MRPS28: variants seen among roughly 807,000 people sequenced by gnomAD.
MRPS28 encodes small ribosomal subunit protein bS1m.
MRPS28 carries 7 observed loss-of-function variants against 10.8 expected under a neutral mutation model. That is an observed-to-expected ratio of 0.65 (90% CI 0.37 to 1.22). The LOEUF is 1.22. MRPS28 is among the 50% of genes most tolerant of loss of function. The probability of loss-of-function intolerance (pLI) is 0.02; values close to 1 mark genes in which losing one functional copy is unlikely to be tolerated. For missense variants in MRPS28, 265 were observed against 232.9 expected (o/e 1.14, Z -0.90); for synonymous variants, 121 against 93.3 (o/e 1.30, Z -1.71).
intron 1 of MRPS28, among the ~76,000 whole-genome samples, chr8:80,025,660 A>G (rs1809477526): frequency 6.6e-6 from 1 of 152,232 alleles, no homozygotes; most frequent in Non-Finnish European, 1.5e-5. Flanking sequence ...AGCAGCAACT[A>G]AAACATACTA....
At chr8:79,925,563 T>C (rs1027558381) in intron 2 of MRPS28, among the ~76,000 whole-genome samples, 1 of 152,168 alleles carries the variant, frequency 6.6e-6, no homozygotes, top group Non-Finnish European at 1.5e-5. Flanking sequence ...AATGTGAAAA[T>C]GGAGGATTTA....
intron 2 of MRPS28, among the ~76,000 whole-genome samples, chr8:80,002,489 T>A (rs1330483824): frequency 6.6e-6 from 1 of 152,206 alleles, no homozygotes; most frequent in Non-Finnish European, 1.5e-5. Flanking sequence ...ACTCTTGATA[T>A]TCCACTCCTA....
chr8:79,934,579 A>C (rs1046128778), intron 2 of MRPS28, among the ~76,000 whole-genome samples: 53 of 152,248 alleles, frequency 3.5e-4, no homozygotes, highest in Admixed American at 3.4e-3. Flanking sequence ...TACTTCAAGT[A>C]AACTATATGG....
At chr8:80,025,520 TAA>T (rs1423510743) in intron 1 of MRPS28, among the ~76,000 whole-genome samples, 2 of 152,094 alleles carry the variant, frequency 1.3e-5, no homozygotes, top group African/African-American at 4.8e-5. Flanking sequence ...AGAAACAACC[TAA>T]AAGTTCAATA....
intron 2 of MRPS28, among the ~76,000 whole-genome samples, chr8:79,946,201 A>C (rs1806913485): frequency 6.6e-6 from 1 of 152,126 alleles, no homozygotes; most frequent in South Asian, 2.1e-4. Flanking sequence ...CACTGCCCAA[A>C]GCTAAATAAT....
intron 2 of MRPS28, among the ~76,000 whole-genome samples, chr8:79,988,284 A>AG (rs1032078395): frequency 2.7e-5 from 2 of 73,378 alleles, no homozygotes; most frequent in South Asian, 5.6e-4. Flanking sequence ...GGGTGGGGGG[A>AG]GGGGGGAGGG....
chr8:79,942,303 C>T (rs1031325892), intron 2 of MRPS28, among the ~76,000 whole-genome samples: 2 of 152,168 alleles, frequency 1.3e-5, no homozygotes, highest in African/African-American at 4.8e-5. Flanking sequence ...CAGCACAGTA[C>T]TTTGGGGTGA....
intron 2 of MRPS28, among the ~76,000 whole-genome samples, chr8:79,961,185 A>C (rs186141116): frequency 3.3e-5 from 5 of 152,248 alleles, no homozygotes; most frequent in Non-Finnish European, 1.5e-5. Context: ...ATAATCTGAT[A>C]TCAGAGATCT....
intron 2 of MRPS28, among the ~76,000 whole-genome samples, chr8:79,967,429 G>C (rs1807530459): frequency 6.6e-6 from 1 of 152,158 alleles, no homozygotes; most frequent in Non-Finnish European, 1.5e-5. Flanking sequence ...CAGGGGACTT[G>C]GATTGGTTCC....
At chr8:80,012,486 C>T (rs1295533929) in intron 1 of MRPS28, among the ~76,000 whole-genome samples, 1 of 152,192 alleles carries the variant, frequency 6.6e-6, no homozygotes, top group Non-Finnish European at 1.5e-5. Flanking sequence ...ACATTGATAG[C>T]TCCTCTCATG....
intron 2 of MRPS28, among the ~76,000 whole-genome samples, chr8:79,939,289 G>A (rs1404452946): frequency 2.0e-5 from 3 of 152,278 alleles, no homozygotes; most frequent in East Asian, 1.9e-4. Context: ...TCATGATGCA[G>A]TAATGCAATC....
intron 2 of MRPS28, chr8:79,956,965 C>G (rs1807231809): frequency 6.6e-6 from 1 of 152,182 alleles, no homozygotes. Flanking sequence ...TTTCCTGGTA[C>G]CTTCCTAGTC....
At chr8:79,932,233 A>G (rs1375136771) in intron 2 of MRPS28, among the ~76,000 whole-genome samples, 4 of 152,230 alleles carry the variant, frequency 2.6e-5, no homozygotes, top group Non-Finnish European at 5.9e-5. Context: ...TAAACCAAAA[A>G]ACAACCAAAT....
At chr8:80,027,115 G>A (rs1314236136) in intron 1 of MRPS28, among the ~76,000 whole-genome samples, 2 of 152,116 alleles carry the variant, frequency 1.3e-5, no homozygotes, top group East Asian at 3.9e-4. Flanking sequence ...AAAACAATGG[G>A]ACTTCAAAGA....
intron 2 of MRPS28, among the ~76,000 whole-genome samples, chr8:79,979,514 A>T (rs1365765117): frequency 6.6e-6 from 1 of 151,884 alleles, no homozygotes; most frequent in Non-Finnish European, 1.5e-5. Flanking sequence ...TTTAAAAGAA[A>T]TTTTTTTACT....
chr8:79,921,733 G>A (rs550274160), intron 2 of MRPS28, among the ~76,000 whole-genome samples: 2 of 152,124 alleles, frequency 1.3e-5, no homozygotes, highest in Admixed American at 6.6e-5. Context: ...TGCAAACAGG[G>A]ACAATTTGAC....
At chr8:79,973,628 T>C (rs1039447251) in intron 2 of MRPS28, among the ~76,000 whole-genome samples, 5 of 152,120 alleles carry the variant, frequency 3.3e-5, no homozygotes, top group African/African-American at 1.2e-4. Context: ...AGGGTGTGCC[T>C]TCTACAAAGG....
chr8:79,982,654 G>A (rs771816498), intron 2 of MRPS28, among the ~76,000 whole-genome samples: 3 of 152,252 alleles, frequency 2.0e-5, no homozygotes, highest in East Asian at 1.9e-4. Flanking sequence ...ACGGAGTCTC[G>A]CTGATTGCTA....
At chr8:79,990,658 G>C (rs1006636714) in intron 2 of MRPS28, among the ~76,000 whole-genome samples, 1 of 151,936 alleles carries the variant, frequency 6.6e-6, no homozygotes, top group African/African-American at 2.4e-5. Flanking sequence ...ATAGAATAGA[G>C]GAGCAAAGAG....
Sources: gnomAD v4.1 joint callset for allele counts (sites outside exome capture counted in the v4.1 genomes callset) on GRCh38, gnomAD v4.1.1 for gene constraint, MANE v1.5 for transcripts, NCBI Gene and HGNC (gene_info 2026-07-23, HGNC 2026-07-21) for gene names.